HS3ST3A1: variants seen among roughly 807,000 people sequenced by gnomAD.
The protein encoded by HS3ST3A1 is heparan sulfate glucosamine 3-O-sulfotransferase 3A1.
A neutral mutation model predicts 25.7 loss-of-function variants in HS3ST3A1; 19 were observed. The observed-to-expected ratio is 0.74, with a 90% CI of 0.52 to 1.08. The LOEUF is 1.08. HS3ST3A1 is among the 50% of genes least tolerant of loss of function. HS3ST3A1 has a pLI of 0.00. For missense variants in HS3ST3A1, 459 were observed against 594.3 expected, an observed-to-expected ratio of 0.77 and a Z score of 2.37; for synonymous variants, 226 against 278.6, an observed-to-expected ratio of 0.81 and a Z score of 1.88.
intron 1 of HS3ST3A1, among the ~76,000 whole-genome samples, chr17:13,594,444 G>A (rs1908520506): frequency 6.6e-6 from 1 of 152,124 alleles, no homozygotes; most frequent in African/African-American, 2.4e-5. Context: ...GGCATCTCAG[G>A]CACCTTAAGG....
rs1385970142 is a variant in HS3ST3A1 at position 13,601,259 on chromosome 17, G to A, written c.-130C>T. On this transcript the variant is annotated 5_prime_UTR_variant, in exon 1 of 2. Coordinates refer to ENST00000284110, the MANE Select transcript of HS3ST3A1 (RefSeq NM_006042.3). ...CATCGCCGTGCGCCCCTGTGGCCGT[G>A]CGAACTGTCCCGGGAGGCAGCGGCC... 1.2e-5 allele frequency: 8 copies of A among 691,142 alleles called. No individual in the cohort carries two copies. The South Asian group carries it at 1.8e-4, about 15-fold the overall frequency. 42.8% of individuals were successfully genotyped at this position (691,142 alleles called of 1,614,324 possible).
At chr17:13,595,883 A>G (rs1463463348) in intron 1 of HS3ST3A1, among the ~76,000 whole-genome samples, 2 of 151,820 alleles carry the variant, frequency 1.3e-5, no homozygotes, top group Non-Finnish European at 2.9e-5. Flanking sequence ...TGTTGATATC[A>G]GAGAGTTTTG....
chr17:13,536,090 G>A (rs938198739), intron 1 of HS3ST3A1, among the ~76,000 whole-genome samples: 10 of 152,086 alleles, frequency 6.6e-5, no homozygotes, highest in Non-Finnish European at 7.4e-5. Context: ...TGGGTTTAGC[G>A]ATACTTTTAT....
chr17:13,586,095 C>A (rs1184201045), intron 1 of HS3ST3A1, among the ~76,000 whole-genome samples: 1 of 152,032 alleles, frequency 6.6e-6, no homozygotes, highest in Non-Finnish European at 1.5e-5. Flanking sequence ...GATCCGCCCG[C>A]CTCAGCCTCC....
At chr17:13,571,708 C>A (rs1397264948) in intron 1 of HS3ST3A1, among the ~76,000 whole-genome samples, 2 of 152,182 alleles carry the variant, frequency 1.3e-5, no homozygotes, top group Middle Eastern at 3.2e-3. Context: ...TGAGTTTTCA[C>A]TATAAAATTA....
chr17:13,505,811 G>C (rs1391479822), intron 1 of HS3ST3A1, among the ~76,000 whole-genome samples: 1 of 151,994 alleles, frequency 6.6e-6, no homozygotes, highest in African/African-American at 2.4e-5. Flanking sequence ...AGATCACCAG[G>C]TCAGGAGTTC....
chr17:13,544,801 A>T (rs2142349044), intron 1 of HS3ST3A1, among the ~76,000 whole-genome samples: 1 of 151,308 alleles, frequency 6.6e-6, no homozygotes, highest in East Asian at 1.9e-4. Flanking sequence ...AGCCACCAGC[A>T]TGGACAACAG....
chr17:13,587,553 G>A (rs75405130), intron 1 of HS3ST3A1, among the ~76,000 whole-genome samples: 8,720 of 152,098 alleles, frequency 0.057, 414 homozygotes, highest in East Asian at 0.23. Flanking sequence ...TGAATAACAC[G>A]CTGTTTCAGT....
intron 1 of HS3ST3A1, among the ~76,000 whole-genome samples, chr17:13,516,116 C>G (rs1356971630): frequency 6.6e-6 from 1 of 152,028 alleles, no homozygotes; most frequent in Non-Finnish European, 1.5e-5. Flanking sequence ...TGAGACCAGC[C>G]TGGCCAACAT....
At chr17:13,594,175 A>G (rs546669080) in intron 1 of HS3ST3A1, among the ~76,000 whole-genome samples, 38 of 152,250 alleles carry the variant, frequency 2.5e-4, no homozygotes, top group African/African-American at 8.9e-4. Flanking sequence ...CTATTGTATT[A>G]TATCGGGGAT....
intron 1 of HS3ST3A1, among the ~76,000 whole-genome samples, chr17:13,517,474 G>T (rs1906093570): frequency 1.3e-5 from 2 of 152,064 alleles, no homozygotes; most frequent in Admixed American, 1.3e-4. Context: ...TCTGCCTGAG[G>T]AATTTAGAAA....
chr17:13,513,008 T>C (rs1232095546), intron 1 of HS3ST3A1, among the ~76,000 whole-genome samples: 1 of 152,228 alleles, frequency 6.6e-6, no homozygotes, highest in Non-Finnish European at 1.5e-5. Flanking sequence ...GTATTTCATG[T>C]AACAGTTTAT....
At chr17:13,544,872 T>C (rs1439991948) in intron 1 of HS3ST3A1, among the ~76,000 whole-genome samples, 1 of 152,134 alleles carries the variant, frequency 6.6e-6, no homozygotes, top group Admixed American at 6.5e-5. Context: ...GGCGTTGTGC[T>C]AATCTGATTA....
intron 1 of HS3ST3A1, among the ~76,000 whole-genome samples, chr17:13,534,461 TGGGAGGTGGA>T (rs1333784091): frequency 7.1e-6 from 1 of 140,520 alleles, no homozygotes; most frequent in African/African-American, 2.7e-5. Flanking sequence ...CCCAGCACTT[TGGGAGGTGGA>T]GGGAGGTGGA....
rs769374069 is a variant in HS3ST3A1, at chr17:13,601,137, G to C, written c.-8C>G. The C allele has an allele frequency of 6.6e-7, 1 of 1,517,962 alleles. No individual in the cohort carries two copies. The highest frequency in any genetic ancestry group is 1.4e-5 in the African/African-American group (1 of 70,382). 94.0% of individuals were successfully genotyped at this position (1,517,962 alleles called of 1,614,324 possible). A position where few individuals can be genotyped will look rare whatever the true frequency, so the allele number is the denominator to read the frequency against. ...CGGGCCCGGAGGGGCCATCCTAGCC[G>C]GAGGCGACGTCGGGCAACGCGCCGG... On this transcript the variant is annotated 5_prime_UTR_variant, in exon 1 of 2. Coordinates refer to ENST00000284110, the MANE Select transcript of HS3ST3A1 (RefSeq NM_006042.3).
rs528932589 is a variant in HS3ST3A1 at position 13,542,422 on chromosome 17, C to G, written c.600-45604G>C. On this transcript the variant is annotated intron_variant, in intron 1 of 1. Coordinates refer to ENST00000284110, the MANE Select transcript of HS3ST3A1 (RefSeq NM_006042.3). The stretch of plus-strand genomic sequence containing the variant: ...TTCTTAAAGGAAGAGGAAGAGATAC[C>G]AGGAGTATGTCTGCACAGAGGAAAG... Among the ~76,000 whole-genome samples, 43 of 151,374 alleles carry G rather than the reference C, an allele frequency of 2.8e-4. No individual in the cohort carries two copies. In the East Asian group the frequency reaches 5.6e-3, roughly 20 times the overall value.
intron 1 of HS3ST3A1, among the ~76,000 whole-genome samples, chr17:13,553,923 A>G (rs1005668823): frequency 3.3e-5 from 5 of 152,164 alleles, no homozygotes; most frequent in Non-Finnish European, 7.3e-5. Flanking sequence ...TATTCCACTG[A>G]TACTGCTTAC....
chr17:13,576,130 C>T (rs1017209798), intron 1 of HS3ST3A1, among the ~76,000 whole-genome samples: 4 of 152,204 alleles, frequency 2.6e-5, no homozygotes, highest in Non-Finnish European at 5.9e-5. Context: ...GTGGTGGCTG[C>T]ATTAACAATT....
At chr17:13,582,841 C>G (rs932493830) in intron 1 of HS3ST3A1, among the ~76,000 whole-genome samples, 4 of 152,252 alleles carry the variant, frequency 2.6e-5, no homozygotes, top group East Asian at 1.9e-4. Flanking sequence ...ACAGAGTAAC[C>G]TCTGGCAGGC....
Sources: allele counts gnomAD v4.1 joint callset (sites outside exome capture counted in the v4.1 genomes callset), GRCh38; gene constraint gnomAD v4.1.1; transcripts MANE v1.5; gene names NCBI Gene and HGNC (gene_info 2026-07-23, HGNC 2026-07-21).